SLC25A48: variants seen among roughly 807,000 people sequenced by gnomAD.
The protein encoded by SLC25A48 is CTC-321K16.1.
A neutral mutation model predicts 32.2 loss-of-function variants in SLC25A48; 29 were observed. That is an observed-to-expected ratio of 0.90 (90% CI 0.67 to 1.23). The LOEUF (loss-of-function observed/expected upper bound fraction) is 1.23. Among genes scored for constraint, SLC25A48 ranks in the 50% most tolerant of loss-of-function variants. The probability of loss-of-function intolerance (pLI) is 0.00; values close to 1 mark genes in which losing one functional copy is unlikely to be tolerated. For synonymous variants in SLC25A48, 164 were observed against 172.3 expected (o/e 0.95, Z 0.38); for missense variants, 399 against 422.7 (o/e 0.94, Z 0.49).
intron 3 of SLC25A48, among the ~76,000 whole-genome samples, chr5:135,695,420 T>G (rs1472550867): frequency 1.3e-5 from 2 of 152,266 alleles, no homozygotes; most frequent in African/African-American, 4.8e-5. Context: ...ACAGAAAAAT[T>G]TGCTGGGTTT....
At chr5:135,861,311 A>G (rs1395308990) in intron 4 of SLC25A48, among the ~76,000 whole-genome samples, 1 of 128,778 alleles carries the variant, frequency 7.8e-6, no homozygotes, top group Non-Finnish European at 1.6e-5. Context: ...TCAAATACAC[A>G]CGCACACACA....
intron 3 of SLC25A48, among the ~76,000 whole-genome samples, chr5:135,782,514 T>C (rs1315537932): frequency 8.6e-6 from 1 of 116,896 alleles, no homozygotes; most frequent in Admixed American, 8.8e-5. Context: ...TGAGATTTTA[T>C]TCCTAATATC....
At chr5:135,685,986 G>A (rs1754013845) in intron 3 of SLC25A48, among the ~76,000 whole-genome samples, 2 of 152,172 alleles carry the variant, frequency 1.3e-5, no homozygotes, top group South Asian at 4.1e-4. Flanking sequence ...GTCTCTCAAG[G>A]TGACTGCTGC....
intron 4 of SLC25A48, among the ~76,000 whole-genome samples, chr5:135,857,762 C>A (rs1447147157): frequency 6.6e-6 from 1 of 152,112 alleles, no homozygotes; most frequent in African/African-American, 2.4e-5. Flanking sequence ...GGAGGAAAGC[C>A]TGGAGGTCAG....
At chr5:135,686,802 G>A (rs1246482385) in intron 3 of SLC25A48, among the ~76,000 whole-genome samples, 1 of 152,224 alleles carries the variant, frequency 6.6e-6, no homozygotes, top group African/African-American at 2.4e-5. Context: ...ACAGATATAA[G>A]TATGGAAGTA....
intron 3 of SLC25A48, among the ~76,000 whole-genome samples, chr5:135,702,214 C>T (rs1580797626): frequency 6.6e-6 from 1 of 152,224 alleles, no homozygotes; most frequent in African/African-American, 2.4e-5. Context: ...GTCCTAATGC[C>T]TGGTACCTCT....
At chr5:135,707,226 T>C (rs1341679297) in intron 3 of SLC25A48, among the ~76,000 whole-genome samples, 1 of 152,164 alleles carries the variant, frequency 6.6e-6, no homozygotes, top group African/African-American at 2.4e-5. Context: ...TGTGGACTAC[T>C]GAAGGAGGGC....
chr5:135,623,805 C>A (rs1752380690), intron 1 of SLC25A48, among the ~76,000 whole-genome samples: 1 of 152,162 alleles, frequency 6.6e-6, no homozygotes, highest in African/African-American at 2.4e-5. Context: ...GTGTGTGGTG[C>A]CAGGTGCTGT....
In SLC25A48 at chr5:135,791,136, T is replaced by G. The variant is rs574244954; in HGVS notation, c.-520-21387T>G. On this transcript the variant is annotated intron_variant, in intron 3 of 10. Coordinates refer to the SLC25A48 transcript ENST00000646290. Reference sequence around the variant, plus strand: ...TGTGTGTACAACCTGTGATACTGCTTGTAATATCCTAGGGAGACATGACTT... The same window carrying G: ...TGTGTGTACAACCTGTGATACTGCTGGTAATATCCTAGGGAGACATGACTT... Among the ~76,000 whole-genome samples, 25 of 150,680 alleles carry G rather than the reference T, an allele frequency of 1.7e-4. No individual in the cohort carries two copies. In the South Asian group the frequency reaches 4.6e-3, roughly 28 times the overall value.
At position 135,774,118 on chromosome 5, in the gene SLC25A48, C is replaced by T. The variant is rs148257389; in HGVS notation, c.-520-38405C>T. On this transcript the variant is annotated intron_variant, in intron 3 of 10. Coordinates refer to the SLC25A48 transcript ENST00000646290. ...ATGAGAATGATATTACTCCCTATAT[C>T]GAAGGGTGTGTACACCCCCCTGTGA... Among the ~76,000 whole-genome samples the T allele has an allele frequency of 7.2e-5, 11 of 151,734 alleles. No homozygotes were observed. The East Asian group carries it at 1.6e-3, about 21-fold the overall frequency.
intron 3 of SLC25A48, among the ~76,000 whole-genome samples, chr5:135,655,075 G>A (rs962872516): frequency 1.3e-5 from 2 of 152,208 alleles, no homozygotes; most frequent in Non-Finnish European, 2.9e-5. Context: ...GACATTAAGC[G>A]GGAAGCACTC....
intron 1 of SLC25A48, among the ~76,000 whole-genome samples, chr5:135,840,193 G>T (rs1758876949): frequency 6.6e-6 from 1 of 152,090 alleles, no homozygotes; most frequent in Admixed American, 6.5e-5. Flanking sequence ...AAAATTCTAT[G>T]GTGACATCAC....
chr5:135,650,647 A>C, intron 3 of SLC25A48: 1 of 322,088 alleles, frequency 3.1e-6, no homozygotes, highest in South Asian at 2.3e-5. Flanking sequence ...GCCAGGTTCC[A>C]GGGAAATGAG....
chr5:135,729,349 GA>G (rs1451952265), intron 3 of SLC25A48, among the ~76,000 whole-genome samples: 1 of 151,986 alleles, frequency 6.6e-6, no homozygotes, highest in South Asian at 2.1e-4. Flanking sequence ...TGATGTTGAG[GA>G]AAGATTTTTT....
intron 1 of SLC25A48, among the ~76,000 whole-genome samples, chr5:135,622,272 G>A (rs1435792088): frequency 2.0e-5 from 3 of 152,172 alleles, no homozygotes; most frequent in African/African-American, 7.2e-5. Flanking sequence ...TATATCAAGA[G>A]CCTGAAAAAT....
At chr5:135,849,389 C>T (rs758090550) in intron 2 of SLC25A48, among the ~76,000 whole-genome samples, 18 of 152,154 alleles carry the variant, frequency 1.2e-4, no homozygotes, top group Non-Finnish European at 2.4e-4. Context: ...GAATTATAGG[C>T]TGCACGTCTT....
intron 3 of SLC25A48, among the ~76,000 whole-genome samples, chr5:135,766,549 T>C (rs1756236685): frequency 6.6e-6 from 1 of 151,462 alleles, no homozygotes; most frequent in South Asian, 2.1e-4. Context: ...ACCCCTGTTA[T>C]ATGGTTCATA....
In SLC25A48 at chr5:135,782,698, A is replaced by G. The variant is rs1756743556; in HGVS notation, c.-520-29825A>G. ...AATAACCAGGAAGGGAGAGGATATT[A>G]CTCCCAATAATGCAGGAGATGTACA... On this transcript the variant is annotated intron_variant, in intron 3 of 10. Coordinates refer to the SLC25A48 transcript ENST00000646290. 5.1e-5 allele frequency among the ~76,000 whole-genome samples: 6 copies of G among 117,864 alleles called. 3 individuals carry two copies. The allele number at this position is 117,864 out of a possible 152,430, so 77.3% of individuals were successfully genotyped here. A position where few individuals can be genotyped will look rare whatever the true frequency, so the allele number is the denominator to read the frequency against.
At chr5:135,730,302 G>A (rs535152639) in intron 3 of SLC25A48, among the ~76,000 whole-genome samples, 73 of 152,180 alleles carry the variant, frequency 4.8e-4, no homozygotes, top group African/African-American at 1.5e-3. Flanking sequence ...TGACTCATGG[G>A]GGCCAAGTCT....
Sources: gnomAD v4.1 joint callset for allele counts (sites outside exome capture counted in the v4.1 genomes callset) on GRCh38, gnomAD v4.1.1 for gene constraint, MANE v1.5 for transcripts, NCBI Gene and HGNC (gene_info 2026-07-23, HGNC 2026-07-21) for gene names.